Variants in DLGAP2 observed in about 807,000 individuals in gnomAD.
DLGAP2 encodes DLG associated protein 2.
In DLGAP2, 26 loss-of-function variants were observed where a neutral mutation model predicts 100.3. The observed-to-expected ratio is 0.26, with a 90% confidence interval of 0.19 to 0.36. The LOEUF is 0.36. DLGAP2 is among the 10% of genes least tolerant of loss of function. The pLI, the probability that DLGAP2 is intolerant of heterozygous loss-of-function variation, is 1.00. For missense variants in DLGAP2, 1,858 were observed against 1,453.2 expected, an observed-to-expected ratio of 1.28 and a Z score of -4.53; for synonymous variants, 886 against 630.1, an observed-to-expected ratio of 1.41 and a Z score of -6.08.
At chr8:1,178,315 C>T (rs1038536368) in intron 2 of DLGAP2, among the ~76,000 whole-genome samples, 2 of 152,162 alleles carry the variant, frequency 1.3e-5, no homozygotes, top group Admixed American at 6.5e-5. Context: ...GCAAGACCTG[C>T]GCTTGGAGAG....
At chr8:1,194,943 C>T (rs997671677) in intron 2 of DLGAP2, among the ~76,000 whole-genome samples, 1 of 152,226 alleles carries the variant, frequency 6.6e-6, no homozygotes, top group African/African-American at 2.4e-5. Context: ...TACCAACGGA[C>T]AGTCAGGGCT....
intron 5 of DLGAP2, among the ~76,000 whole-genome samples, chr8:1,553,867 A>T (rs972688248): frequency 2.6e-5 from 4 of 152,238 alleles, no homozygotes; most frequent in Non-Finnish European, 4.4e-5. Flanking sequence ...GTACAAAAAC[A>T]CATCTTAAAA....
intron 3 of DLGAP2, among the ~76,000 whole-genome samples, chr8:1,386,798 G>C (rs144912440): frequency 6.6e-6 from 1 of 152,194 alleles, no homozygotes; most frequent in Non-Finnish European, 1.5e-5. Context: ...AAGAAAAAAA[G>C]GATTGATTTT....
intron 2 of DLGAP2, among the ~76,000 whole-genome samples, chr8:937,435 G>A (rs1799097205): frequency 6.6e-6 from 1 of 152,168 alleles, no homozygotes; most frequent in African/African-American, 2.4e-5. Context: ...ATGACTATGA[G>A]AGAGACTTCT....
chr8:892,306 G>A (rs552275109), intron 1 of DLGAP2, among the ~76,000 whole-genome samples: 5 of 152,274 alleles, frequency 3.3e-5, no homozygotes, highest in Admixed American at 1.3e-4. Context: ...TAGCGTGTCC[G>A]TCCATGGATG....
Position 910,188 on chromosome 8 carries a change from C to T in DLGAP2, c.73+2222C>T, listed in dbSNP as rs139190190. 3.7e-3 allele frequency among the ~76,000 whole-genome samples: 570 copies of T among 152,308 alleles called. 5 individuals are homozygous for T. Among genetic ancestry groups the T allele is most frequent in the African/African-American group, 0.013 (549 of 41,566 alleles). On this transcript the variant is annotated intron_variant, in intron 2 of 14. Coordinates refer to ENST00000637795, the MANE Select transcript of DLGAP2 (RefSeq NM_001346810.2). Reference sequence around the variant, plus strand: ...CATGGCGGATTCTGCATTACGGGTGCTTGACCACAATTAGAAAGAAGATTA... The same window carrying T: ...CATGGCGGATTCTGCATTACGGGTGTTTGACCACAATTAGAAAGAAGATTA...
Position 1,599,826 on chromosome 8 carries a change from A to G in DLGAP2, c.1443-26914A>G, listed in dbSNP as rs374655163. ...TACTAATGGGCCTTGACTGTATCCAATTTGCCAGTTTGTGTCTTTTAACTG... is the reference window on the plus strand; with the variant it reads ...TACTAATGGGCCTTGACTGTATCCAGTTTGCCAGTTTGTGTCTTTTAACTG... On this transcript the variant is annotated intron_variant, in intron 6 of 14. Transcript: ENST00000637795. Among the ~76,000 whole-genome samples the G allele has an allele frequency of 4.6e-5, 7 of 152,068 alleles. No individual in the cohort carries two copies. The South Asian group carries it at 1.0e-3, about 23-fold the overall frequency.
intron 2 of DLGAP2, among the ~76,000 whole-genome samples, chr8:1,070,246 G>A (rs775937042): frequency 2.0e-5 from 3 of 152,076 alleles, no homozygotes; most frequent in Non-Finnish European, 4.4e-5. Context: ...ATGGGAGAAG[G>A]AGATCTTTTT....
intron 2 of DLGAP2, among the ~76,000 whole-genome samples, chr8:1,120,190 G>A (rs1450184116): frequency 6.6e-6 from 1 of 152,154 alleles, no homozygotes; most frequent in Non-Finnish European, 1.5e-5. Context: ...CTTCATTTAT[G>A]GGAGGAGGAA....
At chr8:1,210,625 C>G (rs969517364) in intron 2 of DLGAP2, among the ~76,000 whole-genome samples, 1 of 152,162 alleles carries the variant, frequency 6.6e-6, no homozygotes, top group Non-Finnish European at 1.5e-5. Flanking sequence ...CCTCTGGGGC[C>G]TAGTTCCCTC....
At chr8:1,275,548 C>G (rs1799665689) in intron 3 of DLGAP2, among the ~76,000 whole-genome samples, 1 of 151,142 alleles carries the variant, frequency 6.6e-6, no homozygotes, top group African/African-American at 2.4e-5. Context: ...TTCATGCAAA[C>G]TGAATTTCTT....
chr8:1,250,365 T>G (rs7014104), intron 2 of DLGAP2: 132,069 of 152,306 alleles, frequency 0.87, 57,430 homozygotes, highest in Middle Eastern at 0.94. Context: ...CACAGCTGCA[T>G]GGGTCAGGGG....
At chr8:1,695,916 G>A (rs960952485) in intron 13 of DLGAP2, among the ~76,000 whole-genome samples, 6 of 152,214 alleles carry the variant, frequency 3.9e-5, no homozygotes, top group African/African-American at 9.6e-5. Flanking sequence ...GCCCTCCTGG[G>A]GAGCTCCTCA....
intron 1 of DLGAP2, among the ~76,000 whole-genome samples, chr8:823,372 A>G (rs938362922): frequency 1.3e-5 from 2 of 152,020 alleles, no homozygotes; most frequent in African/African-American, 4.8e-5. Context: ...CAGAAAAGAC[A>G]GTTCACAGTA....
chr8:857,873 T>C (rs1396380304), intron 1 of DLGAP2, among the ~76,000 whole-genome samples: 1 of 33,468 alleles, frequency 3.0e-5, no homozygotes. Context: ...TTGCACATGA[T>C]TTTTTTTTTT....
intron 3 of DLGAP2, among the ~76,000 whole-genome samples, chr8:1,408,371 A>C (rs1452732943): frequency 6.6e-6 from 1 of 152,144 alleles, no homozygotes; most frequent in Non-Finnish European, 1.5e-5. Context: ...TCAGGGGAGA[A>C]ATCAGTTCCA....
chr8:1,162,573 T>C (rs1297928404), intron 2 of DLGAP2, among the ~76,000 whole-genome samples: 2 of 152,236 alleles, frequency 1.3e-5, no homozygotes, highest in Non-Finnish European at 2.9e-5. Flanking sequence ...TAATAGTCAA[T>C]GACATTCAGA....
intron 3 of DLGAP2, among the ~76,000 whole-genome samples, chr8:1,265,858 AG>A (rs1799439734): frequency 6.6e-6 from 1 of 152,218 alleles, no homozygotes; most frequent in South Asian, 2.1e-4. Flanking sequence ...GTAGACAGGT[AG>A]GGGAGGGGAG....
At chr8:778,640 A>G (rs1306301125) in intron 1 of DLGAP2, among the ~76,000 whole-genome samples, 1 of 152,174 alleles carries the variant, frequency 6.6e-6, no homozygotes, top group Non-Finnish European at 1.5e-5. Flanking sequence ...GGTGCCTCCC[A>G]GTTAGGCTGC....
Sources: allele counts gnomAD v4.1 joint callset (sites outside exome capture counted in the v4.1 genomes callset), GRCh38; gene constraint gnomAD v4.1.1; transcripts MANE v1.5; gene names NCBI Gene and HGNC (gene_info 2026-07-23, HGNC 2026-07-21).